Variants in TTC8 observed in about 807,000 individuals in gnomAD.
The protein encoded by TTC8 is tetratricopeptide repeat domain 8, also known as tetratricopeptide repeat protein 8.
In TTC8, 47 loss-of-function variants were observed where a neutral mutation model predicts 72.5. The ratio of observed to expected loss-of-function variants is 0.65; its 90% CI spans 0.51 to 0.83. The LOEUF is 0.83. Ranked by LOEUF, TTC8 falls within the 40% of genes least tolerant of loss-of-function variation. The probability of loss-of-function intolerance (pLI) is 0.00; values close to 1 mark genes in which losing one functional copy is unlikely to be tolerated. For synonymous variants in TTC8, 199 were observed against 221.4 expected (o/e 0.90, Z 0.90); for missense variants, 611 against 623.2 (o/e 0.98, Z 0.21).
intron 7 of TTC8, among the ~76,000 whole-genome samples, chr14:88,849,951 C>A (rs757276020): frequency 1.3e-5 from 2 of 152,046 alleles, no homozygotes; most frequent in Admixed American, 6.6e-5. Context: ...GAAGTTGTTA[C>A]AACTATAACA....
chr14:88,824,436 T>G (rs1240316495), upstream of TTC8: 1 of 467,950 alleles, frequency 2.1e-6, no homozygotes, highest in African/African-American at 2.0e-5. Flanking sequence ...CACTACCTTT[T>G]TGTTTAGCCG....
At chr14:88,865,109 A>T (rs2094904275) in intron 10 of TTC8, among the ~76,000 whole-genome samples, 1 of 151,982 alleles carries the variant, frequency 6.6e-6, no homozygotes, top group Non-Finnish European at 1.5e-5. Flanking sequence ...TTCTTGAGGT[A>T]TTTTGTTTAT....
intron 2 of TTC8, among the ~76,000 whole-genome samples, chr14:88,838,099 A>G (rs2094761612): frequency 6.6e-6 from 1 of 152,226 alleles, no homozygotes; most frequent in Non-Finnish European, 1.5e-5. Context: ...AGCCATCTTT[A>G]TTCCCATTAA....
rs191739877 is a variant in TTC8, at chr14:88,877,379, A to C, written c.1517A>C (p.Lys506Thr). 1 of 1,613,630 alleles carries C rather than the reference A, an allele frequency of 6.2e-7. No individual in the cohort carries two copies. ...PDHVDTQHLI[K>T]QLRQHFAML ...CATGTGGACACACAACATTTAATTAAACAATTAAGGCAGCATTTTGCTATG... is the reference window on the plus strand; with the variant it reads ...CATGTGGACACACAACATTTAATTACACAATTAAGGCAGCATTTTGCTATG... The change falls in exon 15 of 15, where the codon AAA (lysine) becomes ACA (threonine). Residue 506 changes from lysine (K) to threonine (T), a missense_variant. Physicochemically the swap from Lys to Thr is moderately conservative, Grantham distance 78 (BLOSUM62 -1). Coordinates refer to ENST00000380656, the MANE Select transcript of TTC8 (RefSeq NM_144596.4).
chr14:88,871,753 T>C lies in TTC8; in HGVS notation c.1224+30T>C. On this transcript the variant is annotated intron_variant, in intron 12 of 14. Transcript: ENST00000380656. This position sits in a 1 kb window ranked among gnomAD's most constrained non-coding sequence, Gnocchi z 4.1. ...GTTGTCTTACTGATATAATTTCTGT[T>C]ATAGAAAGTTGGTTTGAGCCAGACA... 1 of 1,613,576 alleles carries C rather than the reference T, an allele frequency of 6.2e-7. No homozygotes were observed.
chr14:88,826,446 T>G (rs2094701142), intron 1 of TTC8, among the ~76,000 whole-genome samples: 1 of 151,714 alleles, frequency 6.6e-6, no homozygotes, highest in Non-Finnish European at 1.5e-5. Flanking sequence ...GGCTTATGCC[T>G]GTAAACCCAG....
At chr14:88,834,021 A>G (rs1296120489) in intron 2 of TTC8, 6 of 414,512 alleles carry the variant, frequency 1.4e-5, no homozygotes, top group Non-Finnish European at 2.2e-5. Flanking sequence ...AGGTGAGGGG[A>G]ACCAAGGGCT....
chr14:88,857,275 A>G lies in TTC8; in HGVS notation c.796A>G (p.Lys266Glu), dbSNP rs2094861075. 1 of 1,613,050 alleles carries G rather than the reference A, an allele frequency of 6.2e-7. No homozygotes were observed. Among genetic ancestry groups the G allele is most frequent in the Non-Finnish European group, 8.5e-7 (1 of 1,179,124 alleles). The change falls in exon 9 of 15, where the codon AAA (lysine) becomes GAA (glutamate). Residue 266 changes from lysine (K) to glutamate (E), a missense_variant and splice_region_variant. Coordinates refer to ENST00000380656, the MANE Select transcript of TTC8 (RefSeq NM_144596.4). ...EMVDTFLYLAKVYVSLDQPVT... is the reference protein window; with the variant it reads ...EMVDTFLYLAEVYVSLDQPVT... Reference sequence around the variant, plus strand: ...GGTAGATACATTTCTGTACTTGGCAAAAGTAAGTAAATCTTAATTTGAGTG... The same window carrying G: ...GGTAGATACATTTCTGTACTTGGCAGAAGTAAGTAAATCTTAATTTGAGTG...
intron 3 of TTC8, 37 bp from the exon 4 acceptor site, chr14:88,840,828 A>C: frequency 6.3e-7 from 1 of 1,596,740 alleles, no homozygotes; most frequent in South Asian, 1.1e-5. Context: ...AGATTAATAG[A>C]TAATATATAA....
intron 8 of TTC8, among the ~76,000 whole-genome samples, chr14:88,855,975 C>T (rs751693347): frequency 6.6e-6 from 1 of 152,164 alleles, no homozygotes; most frequent in African/African-American, 2.4e-5. Flanking sequence ...ATCCCAGCTA[C>T]TTGGGAGGCT....
Position 88,839,405 on chromosome 14 carries a change from T to G in TTC8, c.145-47T>G, listed in dbSNP as rs1344814458. On this transcript the variant is annotated intron_variant, in intron 2 of 14. Transcript: ENST00000380656. ...GGCTATTTCTATAAGCTGTGTAGTA[T>G]TTCTAATGCTATTTTAATATATGTT... The G allele has an allele frequency of 5.6e-6, 9 of 1,597,504 alleles. No individual in the cohort carries two copies. The Admixed American group carries it at 1.5e-4, about 27-fold the overall frequency.
In TTC8 at chr14:88,875,108, A is replaced by G. The variant is rs1482112689; in HGVS notation, c.1430A>G (p.Lys477Arg). ...PHFNFATISD[K>R]IGDLQRSYVA... is the part of the protein sequence containing the mutation. Reference sequence around the variant, plus strand: ...TTTAATTTTGCAACAATCTCTGATAAGGTATTCTCTTTCTTCATTAATTTA... The same window carrying G: ...TTTAATTTTGCAACAATCTCTGATAGGGTATTCTCTTTCTTCATTAATTTA... Residue 477 changes from lysine (K) to arginine (R), a missense_variant and splice_region_variant, in exon 14 of 15, where the codon AAG becomes AGG. Transcript: ENST00000380656. 6.2e-6 allele frequency: 10 copies of G among 1,607,994 alleles called. No individual in the cohort carries two copies. The highest frequency in any genetic ancestry group is 7.7e-6 in the Non-Finnish European group (9 of 1,175,538).
intron 14 of TTC8, among the ~76,000 whole-genome samples, chr14:88,876,191 G>A (rs1352998994): frequency 6.6e-6 from 1 of 151,994 alleles, no homozygotes; most frequent in Non-Finnish European, 1.5e-5. Flanking sequence ...CCCCCAAGAG[G>A]GCTGGCTTAC....
chr14:88,826,561 G>T (rs1334020250), intron 1 of TTC8, among the ~76,000 whole-genome samples: 1 of 151,906 alleles, frequency 6.6e-6, no homozygotes, highest in Non-Finnish European at 1.5e-5. Flanking sequence ...AAAATTAGCC[G>T]GGCGTGTTGG....
intron 13 of TTC8, among the ~76,000 whole-genome samples, chr14:88,874,623 T>A (rs974851777): frequency 6.6e-6 from 1 of 152,162 alleles, no homozygotes; most frequent in African/African-American, 2.4e-5. Flanking sequence ...AAAAGGTAAT[T>A]AGAGCCTGCT....
At chr14:88,860,797 C>T (rs1027577181) in intron 9 of TTC8, among the ~76,000 whole-genome samples, 18 of 150,308 alleles carry the variant, frequency 1.2e-4, no homozygotes, top group African/African-American at 4.2e-4. Flanking sequence ...TTTGAAAATT[C>T]TTTCTTCTTC....
intron 7 of TTC8, among the ~76,000 whole-genome samples, chr14:88,851,512 G>A (rs929808531): frequency 2.0e-5 from 3 of 152,124 alleles, no homozygotes; most frequent in Non-Finnish European, 4.4e-5. Flanking sequence ...CAAAGCATGA[G>A]AAGGACTATG....
Position 88,857,258 on chromosome 14 carries a change from C to T in TTC8, c.779C>T (p.Thr260Ile), listed in dbSNP as rs1348278108. The T allele has an allele frequency of 1.2e-6, 2 of 1,613,774 alleles. No individual in the cohort carries two copies. Among genetic ancestry groups the T allele is most frequent in the East Asian group, 2.2e-5 (1 of 44,846 alleles). ...CTGAAGCAGCAGGAAATGGTAGATA[C>T]ATTTCTGTACTTGGCAAAAGTAAGT... ...SALKQQEMVD[T>I]FLYLAKVYVS... The change falls in exon 9 of 15, where the codon ACA (threonine) becomes ATA (isoleucine). Residue 260 changes from threonine to isoleucine, a missense_variant. Thr to Ile is a moderately conservative substitution (Grantham distance 89, BLOSUM62 -1). Coordinates refer to ENST00000380656, the MANE Select transcript of TTC8 (RefSeq NM_144596.4).
intron 8 of TTC8, among the ~76,000 whole-genome samples, chr14:88,856,150 G>A (rs1436087165): frequency 6.6e-6 from 1 of 152,138 alleles, no homozygotes; most frequent in African/African-American, 2.4e-5. Context: ...CAGAACTTTA[G>A]AGTTCTTTGA....
Sources: gnomAD v4.1 joint callset for allele counts (sites outside exome capture counted in the v4.1 genomes callset) on GRCh38, gnomAD v4.1.1 for gene constraint, Gnocchi (gnomAD v3.1) non-coding constraint, MANE v1.5 for transcripts, NCBI Gene and HGNC (gene_info 2026-07-23, HGNC 2026-07-21) for gene names.